The following DOCK3 variants were observed in gnomAD, a reference collection of about 807,000 sequenced individuals.
DOCK3 encodes the protein dedicator of cytokinesis 3.
Under a neutral mutation model 265.6 loss-of-function variants are expected in DOCK3, and 60 were observed. That is an observed-to-expected ratio of 0.23 (90% CI 0.18 to 0.28). DOCK3 has a LOEUF of 0.28. DOCK3 is among the 10% of genes least tolerant of loss of function. DOCK3 has a pLI of 1.00. For synonymous variants in DOCK3, 881 were observed against 938.0 expected (o/e 0.94, Z 1.11); for missense variants, 1,981 against 2,594.3 (o/e 0.76, Z 5.14).
intron 10 of DOCK3, among the ~76,000 whole-genome samples, chr3:51,147,705 G>T (rs1282265984): frequency 1.3e-5 from 2 of 152,212 alleles, no homozygotes; most frequent in African/African-American, 4.8e-5. Flanking sequence ...ATTCCATGGT[G>T]TATATGTGCC....
chr3:51,089,294 T>G lies in DOCK3; in HGVS notation c.591+10T>G, dbSNP rs983587817. On this transcript the variant is annotated intron_variant, in intron 8 of 52. Transcript: ENST00000266037. ...GCAAAGCACATCCCAGGTAAGCGGCTTTCCTGGGTCTTCCAGCCTTTCCCC... is the reference window on the plus strand; with the variant it reads ...GCAAAGCACATCCCAGGTAAGCGGCGTTCCTGGGTCTTCCAGCCTTTCCCC... 2.5e-6 allele frequency: 4 copies of G among 1,607,894 alleles called. No homozygotes were observed. Among genetic ancestry groups the G allele is most frequent in the Non-Finnish European group, 3.4e-6 (4 of 1,177,108 alleles).
chr3:51,310,690 G>A (rs999587025), intron 28 of DOCK3, among the ~76,000 whole-genome samples: 1 of 152,198 alleles, frequency 6.6e-6, no homozygotes, highest in East Asian at 1.9e-4. Flanking sequence ...GACAGTGCCA[G>A]TTATCCACCT....
chr3:51,349,124 T>C (rs576951057), intron 39 of DOCK3, among the ~76,000 whole-genome samples, 186 bp downstream of exon 39: 7 of 152,232 alleles, frequency 4.6e-5, no homozygotes, highest in Admixed American at 3.3e-4. Context: ...CAAATAATTG[T>C]ATGATCTAGA....
intron 5 of DOCK3, among the ~76,000 whole-genome samples, chr3:51,033,818 C>T (rs1469717127): frequency 6.6e-6 from 1 of 152,108 alleles, no homozygotes; most frequent in Non-Finnish European, 1.5e-5. Flanking sequence ...CGCCTCATCC[C>T]TTCTTAAAAC....
At chr3:51,310,191 T>A in intron 27 of DOCK3, 41 bp from the exon 28 acceptor site, 1 of 1,510,134 alleles carries the variant, frequency 6.6e-7, no homozygotes, top group Non-Finnish European at 9.0e-7. Flanking sequence ...AGATGCATAT[T>A]GTGGTGGTGG....
chr3:50,847,531 C>T (rs2107333950), intron 3 of DOCK3, among the ~76,000 whole-genome samples: 1 of 152,156 alleles, frequency 6.6e-6, no homozygotes, highest in Admixed American at 6.6e-5. Flanking sequence ...AGTTTAAATC[C>T]AGATGTTATT....
At chr3:51,354,814 G>A (rs916456272) in intron 40 of DOCK3, 68 bp from the exon 41 acceptor site, 1 of 1,569,076 alleles carries the variant, frequency 6.4e-7, no homozygotes, top group South Asian at 1.2e-5. Context: ...TGTAGCTACT[G>A]ACTCCAGGGT....
chr3:51,166,294 G>A (rs994035019), intron 12 of DOCK3, among the ~76,000 whole-genome samples: 16 of 151,860 alleles, frequency 1.1e-4, no homozygotes, highest in Admixed American at 3.9e-4. Flanking sequence ...CAGATGATCC[G>A]CCTGCCTCAG....
intron 5 of DOCK3, among the ~76,000 whole-genome samples, chr3:50,975,833 C>T (rs1372145002): frequency 6.6e-6 from 1 of 151,222 alleles, no homozygotes; most frequent in Non-Finnish European, 1.5e-5. Context: ...TGTTATTGGT[C>T]TATTCAGAGA....
At chr3:50,968,529 G>A (rs929222186) in intron 5 of DOCK3, among the ~76,000 whole-genome samples, 2 of 151,160 alleles carry the variant, frequency 1.3e-5, no homozygotes, top group African/African-American at 4.9e-5. Context: ...GCTTTTGTCC[G>A]AGAAGATACT....
chr3:50,933,647 A>G (rs531787477), intron 4 of DOCK3, among the ~76,000 whole-genome samples: 1 of 152,202 alleles, frequency 6.6e-6, no homozygotes, highest in Non-Finnish European at 1.5e-5. Flanking sequence ...AATAATTTAA[A>G]AAAACTAATC....
At chr3:50,781,662 A>C (rs1412392813) in intron 2 of DOCK3, among the ~76,000 whole-genome samples, 1 of 152,128 alleles carries the variant, frequency 6.6e-6, no homozygotes, top group East Asian at 1.9e-4. Context: ...GGGTACGTGT[A>C]CACATTTGTT....
intron 50 of DOCK3, among the ~76,000 whole-genome samples, chr3:51,375,246 C>T (rs772811056): frequency 2.0e-5 from 3 of 152,248 alleles, no homozygotes; most frequent in Non-Finnish European, 2.9e-5. Context: ...GCCTGATTGG[C>T]TCTGCCAGGT....
At chr3:51,373,554 T>A (rs2087849090) in intron 49 of DOCK3, among the ~76,000 whole-genome samples, 1 of 152,202 alleles carries the variant, frequency 6.6e-6, no homozygotes, top group Admixed American at 6.5e-5. Flanking sequence ...CTGTGGAAGA[T>A]CTTCTTAAGG....
At chr3:50,676,733 A>C (rs889477659) in intron 1 of DOCK3, among the ~76,000 whole-genome samples, 1 of 149,266 alleles carries the variant, frequency 6.7e-6, no homozygotes. Flanking sequence ...GCGTGGGGGG[A>C]GGAGCCCTTG....
chr3:50,857,657 G>A (rs1371369371), intron 3 of DOCK3, among the ~76,000 whole-genome samples: 1 of 152,170 alleles, frequency 6.6e-6, no homozygotes, highest in Non-Finnish European at 1.5e-5. Context: ...CATTTATGCA[G>A]CCAACAGACA....
At chr3:51,278,975 G>A (rs1043006218) in intron 26 of DOCK3, among the ~76,000 whole-genome samples, 1 of 152,110 alleles carries the variant, frequency 6.6e-6, no homozygotes, top group African/African-American at 2.4e-5. Flanking sequence ...CAGGCCAGGC[G>A]TGATGGCTCA....
chr3:51,213,749 T>C (rs1017186341), intron 13 of DOCK3, among the ~76,000 whole-genome samples: 1 of 152,198 alleles, frequency 6.6e-6, no homozygotes, highest in Non-Finnish European at 1.5e-5. Flanking sequence ...GTCATGTTTG[T>C]TTCTAGTCTT....
intron 1 of DOCK3, among the ~76,000 whole-genome samples, chr3:50,732,478 C>G (rs924164057): frequency 6.6e-5 from 10 of 152,046 alleles, no homozygotes; most frequent in African/African-American, 2.2e-4. Context: ...ATACGTAGCT[C>G]ACAGTAACCT....
Sources: gnomAD v4.1 joint callset for allele counts (sites outside exome capture counted in the v4.1 genomes callset) on GRCh38, gnomAD v4.1.1 for gene constraint, MANE v1.5 for transcripts, NCBI Gene and HGNC (gene_info 2026-07-23, HGNC 2026-07-21) for gene names.